The following ATP2A3 variants were observed in gnomAD, a reference collection of about 807,000 sequenced individuals.
ATP2A3 encodes sarcoplasmic/endoplasmic reticulum calcium ATPase 3.
Under a neutral mutation model 106.8 loss-of-function variants are expected in ATP2A3, and 61 were observed. The observed-to-expected ratio is 0.57, with a 90% CI of 0.46 to 0.71. The LOEUF (loss-of-function observed/expected upper bound fraction) is 0.71, where lower values mean the gene tolerates loss of function less well. Ranked by LOEUF, ATP2A3 falls within the 30% of genes least tolerant of loss-of-function variation. The pLI is 0.00. For synonymous variants in ATP2A3, 611 were observed against 609.3 expected (o/e 1.00, Z -0.04); for missense variants, 1,201 against 1,423.5 (o/e 0.84, Z 2.52).
At chr17:3,950,060 G>A (rs2054325499) in intron 7 of ATP2A3, among the ~76,000 whole-genome samples, 1 of 151,842 alleles carries the variant, frequency 6.6e-6, no homozygotes, top group South Asian at 2.1e-4. Flanking sequence ...TACTTGGGAA[G>A]CTGAGGCACA....
Position 3,937,188 on chromosome 17 carries a change from C to T in ATP2A3, c.2321+228G>A, listed in dbSNP as rs537464561. The T allele has an allele frequency of 1.8e-3, 1,026 of 585,122 alleles. 17 individuals carry two copies. In the South Asian group the frequency reaches 0.02, roughly 11 times the overall value. The allele number at this position is 585,122 out of a possible 1,614,324, so 36.2% of individuals were successfully genotyped here. On this transcript the variant is annotated intron_variant, in intron 15 of 20. Transcript: ENST00000397041. ...GGGCTGACAGGCGACTCTTCAGGCA[C>T]CTCCGTGGGTGCTGGGGTGACCATG...
chr17:3,964,354 C>T lies in ATP2A3; in HGVS notation c.-63G>A, dbSNP rs912692882. 8 of 971,820 alleles carry T rather than the reference C, an allele frequency of 8.2e-6. No homozygotes were observed. The highest frequency in any genetic ancestry group is 1.0e-4 in the Admixed American group (2 of 19,050). 60.2% of individuals were successfully genotyped at this position (971,820 alleles called of 1,614,324 possible). Reference sequence around the variant, plus strand: ...AGGCCGCCTCTCCGCCGGGGGGCTACAAAGCGGGGCGCGGGGGACTCGGGC... The same window carrying T: ...AGGCCGCCTCTCCGCCGGGGGGCTATAAAGCGGGGCGCGGGGGACTCGGGC... On this transcript the variant is annotated 5_prime_UTR_variant, in exon 1 of 21. Transcript: ENST00000397041.
chr17:3,964,411 G>A lies in ATP2A3; in HGVS notation c.-120C>T, dbSNP rs1467592281. 4.8e-6 allele frequency: 2 copies of A among 416,606 alleles called. No individual in the cohort carries two copies. Among genetic ancestry groups the A allele is most frequent in the Non-Finnish European group, 6.8e-6 (2 of 296,186 alleles). 25.8% of individuals were successfully genotyped at this position (416,606 alleles called of 1,614,324 possible). ...GGGCGCCGCGCGAGGCCATGTCCGTGCTGGGACCTTACCCGACGGCAGTGG... is the reference window on the plus strand; with the variant it reads ...GGGCGCCGCGCGAGGCCATGTCCGTACTGGGACCTTACCCGACGGCAGTGG... On this transcript the variant is annotated 5_prime_UTR_variant, in exon 1 of 21. Transcript: ENST00000397041.
chr17:3,964,016 G>A (rs2055291939), intron 1 of ATP2A3, among the ~76,000 whole-genome samples, 158 bp downstream of exon 1: 2 of 152,028 alleles, frequency 1.3e-5, no homozygotes, highest in South Asian at 4.1e-4. Flanking sequence ...GGCGAAGGTG[G>A]CCGCGCAGCC....
intron 8 of ATP2A3, chr17:3,945,514 C>T: frequency 5.0e-6 from 1 of 200,794 alleles, no homozygotes; most frequent in South Asian, 1.1e-4. Context: ...GCCTCAGTTT[C>T]TCCACTAGTA....
At position 3,947,258 on chromosome 17, in the gene ATP2A3, C is replaced by T; in HGVS notation, c.1095+133G>A. On this transcript the variant is annotated intron_variant, in intron 8 of 20. Coordinates refer to ENST00000397041, the MANE Select transcript of ATP2A3 (RefSeq NM_005173.4). The surrounding 1 kb of genome is among the most constrained non-coding windows in gnomAD (Gnocchi z 7.7). The stretch of plus-strand genomic sequence containing the variant: ...CCTGTCATCTTGTGAAAACCTGGAC[C>T]TGCTCTGGGCCAAGGGACAGCCCAC... 8.9e-7 allele frequency: 1 copy of T among 1,118,806 alleles called. No homozygotes were observed. Among genetic ancestry groups the T allele is most frequent in the Middle Eastern group, 2.8e-4 (1 of 3,558 alleles). The allele number at this position is 1,118,806 out of a possible 1,614,324, so 69.3% of individuals were successfully genotyped here. A position where few individuals can be genotyped will look rare whatever the true frequency, so the allele number is the denominator to read the frequency against.
chr17:3,938,993 C>T (rs971173503), intron 14 of ATP2A3, among the ~76,000 whole-genome samples: 1 of 152,056 alleles, frequency 6.6e-6, no homozygotes, highest in African/African-American at 2.4e-5. Context: ...ATAGGGAGAC[C>T]TCATCTCTAC....
chr17:3,935,938 C>G (rs905607720), intron 16 of ATP2A3, among the ~76,000 whole-genome samples: 2 of 152,208 alleles, frequency 1.3e-5, no homozygotes, highest in Non-Finnish European at 2.9e-5. Context: ...GCCTGAGATT[C>G]TTATCATACT....
chr17:3,951,546 G>GGGCCCCC, intron 4 of ATP2A3, 35 bp downstream of exon 4: 15 of 1,319,546 alleles, frequency 1.1e-5, no homozygotes, highest in Admixed American at 2.0e-5. Context: ...CTGGGAGACC[G>GGGCCCCC]CCCCCCGCCC....
intron 15 of ATP2A3, chr17:3,937,062 G>A: frequency 2.6e-6 from 1 of 385,364 alleles, no homozygotes; most frequent in East Asian, 6.1e-5. Flanking sequence ...CAGGCCATGT[G>A]CACACAAATA....
chr17:3,936,936 C>G lies in ATP2A3; in HGVS notation c.2322-467G>C, dbSNP rs6502758. ...CCACAGGCATCCTCACATGTGAATA[C>G]GAGTGTGTGCACAGTCACACGCCGG... is the stretch of plus-strand genomic sequence containing the variant. On this transcript the variant is annotated intron_variant, in intron 15 of 20. Transcript: ENST00000397041. The surrounding 1 kb of genome is among the most constrained non-coding windows in gnomAD (Gnocchi z 5.4). The G allele has an allele frequency of 1.2e-3, 384 of 324,492 alleles. No individual in the cohort carries two copies. The highest frequency in any genetic ancestry group is 2.0e-3 in the Non-Finnish European group (339 of 166,448). 20.1% of individuals were successfully genotyped at this position (324,492 alleles called of 1,614,324 possible). A position where few individuals can be genotyped will look rare whatever the true frequency, so the allele number is the denominator to read the frequency against.
chr17:3,928,389 G>T lies in ATP2A3; in HGVS notation c.2980+274C>A. On this transcript the variant is annotated intron_variant, in intron 20 of 20. Coordinates refer to ENST00000397041, the MANE Select transcript of ATP2A3 (RefSeq NM_005173.4). This position sits in a 1 kb window ranked among gnomAD's most constrained non-coding sequence, Gnocchi z 6.1. ...AGCACACAGTGCCCTGGCCATGTAG[G>T]GGGTGGCAGGTGAAGACAGTGAGGC... 6.7e-7 allele frequency: 1 copy of T among 1,496,928 alleles called. No individual in the cohort carries two copies. The highest frequency in any genetic ancestry group is 2.3e-5 in the East Asian group (1 of 43,054). The allele number at this position is 1,496,928 out of a possible 1,614,324, so 92.7% of individuals were successfully genotyped here.
Position 3,955,860 on chromosome 17 carries a change from C to G in ATP2A3, c.119-2150G>C, listed in dbSNP as rs1057242372. On this transcript the variant is annotated intron_variant, in intron 1 of 20. Coordinates refer to ENST00000397041, the MANE Select transcript of ATP2A3 (RefSeq NM_005173.4). The surrounding 1 kb of genome is among the most constrained non-coding windows in gnomAD (Gnocchi z 4.2). ...CCTGCCCCGGCTGGTCTCTCAAGTT[C>G]TCCTTTCTCTTATTTTATTTTATTT... 6.6e-6 allele frequency among the ~76,000 whole-genome samples: 1 copy of G among 151,936 alleles called. No homozygotes were observed. The highest frequency in any genetic ancestry group is 2.4e-5 in the African/African-American group (1 of 41,360).
chr17:3,947,150 T>C lies in ATP2A3; in HGVS notation c.1095+241A>G, dbSNP rs1245782519. 6.6e-6 allele frequency among the ~76,000 whole-genome samples: 1 copy of C among 152,210 alleles called. No homozygotes were observed. Among genetic ancestry groups the C allele is most frequent in the African/African-American group, 2.4e-5 (1 of 41,452 alleles). ...AATGAGGAGACTGAGGTTAACAGACTGTCAGCAACCTGGCCAGGGCCCCAC... is the reference window on the plus strand; with the variant it reads ...AATGAGGAGACTGAGGTTAACAGACCGTCAGCAACCTGGCCAGGGCCCCAC... On this transcript the variant is annotated intron_variant, in intron 8 of 20. Transcript: ENST00000397041. This position sits in a 1 kb window ranked among gnomAD's most constrained non-coding sequence, Gnocchi z 7.7.
In ATP2A3 at chr17:3,936,376, C is replaced by T. The variant is rs371736739; in HGVS notation, c.2415G>A (p.Thr805=). The change falls in exon 16 of 21, where the codon ACG becomes ACA. Residue 805 remains threonine (T), a synonymous_variant. Coordinates refer to ENST00000397041, the MANE Select transcript of ATP2A3 (RefSeq NM_005173.4). The surrounding 1 kb of genome is among the most constrained non-coding windows in gnomAD (Gnocchi z 5.4). ...VNLVTDGLPA[T]ALGFNPPDLD... ...GGTCTGGCGGGTTGAAGCCCAGAGC[C>T]GTGGCAGGTAGGCCGTCTGTCACCA... is the stretch of plus-strand genomic sequence containing the variant. 2.4e-5 allele frequency: 38 copies of T among 1,613,944 alleles called. No individual in the cohort carries two copies. Among genetic ancestry groups the T allele is most frequent in the African/African-American group, 2.7e-5 (2 of 74,904 alleles).
At position 3,944,870 on chromosome 17, in the gene ATP2A3, GGCCCCGCCCCT is replaced by G. The variant is rs1310750884; in HGVS notation, c.1185-75_1185-65del. The G allele has an allele frequency of 1.2e-5, 11 of 918,564 alleles. No homozygotes were observed. In the African/African-American group the frequency reaches 2.0e-4, roughly 17 times the overall value. The allele number at this position is 918,564 out of a possible 1,614,324, so 56.9% of individuals were successfully genotyped here. Reference sequence around the variant, plus strand: ...CGCCCCCGAGAGGGGTCCGCCTCTTGGCCCCGCCCCTAGGAGGGGGCTCCGCCTCTTGGCCC... The same window carrying G: ...CGCCCCCGAGAGGGGTCCGCCTCTTGAGGAGGGGGCTCCGCCTCTTGGCCC... On this transcript the variant is annotated intron_variant, in intron 9 of 20. Transcript: ENST00000397041.
chr17:3,963,282 C>T (rs1181740293), intron 1 of ATP2A3, among the ~76,000 whole-genome samples: 1 of 152,204 alleles, frequency 6.6e-6, no homozygotes, highest in African/African-American at 2.4e-5. Context: ...GGGTATTTCT[C>T]CTGGGATCCC....
chr17:3,940,026 CAT>C, intron 14 of ATP2A3, among the ~76,000 whole-genome samples: 1 of 130,026 alleles, frequency 7.7e-6, no homozygotes, highest in South Asian at 2.3e-4. Flanking sequence ...GGTAATGTGT[CAT>C]ATCTTTTTTT....
chr17:3,964,257 A>G lies in ATP2A3; in HGVS notation c.35T>C (p.Val12Ala). ...GGCTGTCACCGAGAAGTGGCGCAGC[A>G]CGTCGGCGGCCGGGAGCAGATGCGC... The part of the protein sequence containing the change: ...EAAHLLPAAD[V>A]LRHFSVTAEG... The change falls in exon 1 of 21, where the codon GTG becomes GCG. Residue 12 changes from valine (V) to alanine (A), a missense_variant. Coordinates refer to ENST00000397041, the MANE Select transcript of ATP2A3 (RefSeq NM_005173.4). 1 of 1,281,402 alleles carries G rather than the reference A, an allele frequency of 7.8e-7. No homozygotes were observed. The highest frequency in any genetic ancestry group is 1.0e-6 in the Non-Finnish European group (1 of 1,002,476). 79.4% of individuals were successfully genotyped at this position (1,281,402 alleles called of 1,614,324 possible).
Sources: allele counts gnomAD v4.1 joint callset (sites outside exome capture counted in the v4.1 genomes callset), GRCh38; gene constraint gnomAD v4.1.1; non-coding constraint Gnocchi (gnomAD v3.1); transcripts MANE v1.5; gene names NCBI Gene and HGNC (gene_info 2026-07-23, HGNC 2026-07-21).